Variants in TNRC6B observed in about 807,000 individuals in gnomAD.
The protein encoded by TNRC6B is trinucleotide repeat-containing gene 6B protein.
A neutral mutation model predicts 203.6 loss-of-function variants in TNRC6B; 52 were observed. That is an observed-to-expected ratio of 0.26 (90% CI 0.20 to 0.32). TNRC6B has a LOEUF of 0.32. Ranked by LOEUF, TNRC6B falls within the 10% of genes least tolerant of loss-of-function variation. TNRC6B has a pLI of 1.00. For missense variants in TNRC6B, 1,923 were observed against 2,286.2 expected, an observed-to-expected ratio of 0.84 and a Z score of 3.24; for synonymous variants, 838 against 845.7, an observed-to-expected ratio of 0.99 and a Z score of 0.16.
chr22:40,223,347 G>T (rs907115080), intron 1 of TNRC6B, among the ~76,000 whole-genome samples: 1 of 151,842 alleles, frequency 6.6e-6, no homozygotes, highest in Admixed American at 6.6e-5. Context: ...CACCTTATTG[G>T]TCAGGCTGGA....
At chr22:40,299,144 C>CAAAAAA (rs1252985941) in intron 12 of TNRC6B, among the ~76,000 whole-genome samples, 4 of 43,872 alleles carry the variant, frequency 9.1e-5, no homozygotes, top group Admixed American at 2.1e-4. Context: ...GACCCTGTCT[C>CAAAAAA]AAAAAAAAAA....
At chr22:40,219,224 C>T (rs989531661) in intron 1 of TNRC6B, among the ~76,000 whole-genome samples, 3 of 152,168 alleles carry the variant, frequency 2.0e-5, no homozygotes, top group Non-Finnish European at 2.9e-5. Flanking sequence ...ATACCCAGGA[C>T]CAATAGCACT....
intron 3 of TNRC6B, among the ~76,000 whole-genome samples, chr22:40,258,310 C>T (rs1037849624): frequency 1.3e-5 from 2 of 151,952 alleles, no homozygotes; most frequent in Non-Finnish European, 2.9e-5. Flanking sequence ...TGCCCTTTAT[C>T]GTCTAACATT....
In TNRC6B at chr22:40,178,034, A is replaced by G; in HGVS notation, c.-102A>G. On this transcript the variant is annotated 5_prime_UTR_variant, in exon 1 of 23. Transcript: ENST00000454349. The stretch of plus-strand genomic sequence containing the variant: ...CTGGTTTCTGAATATTTAAAATACA[A>G]AAAAACAGATAGACAAAAAGAATTC... The G allele has an allele frequency of 2.5e-6, 4 of 1,578,070 alleles. No individual in the cohort carries two copies. The highest frequency in any genetic ancestry group is 3.4e-6 in the Non-Finnish European group (4 of 1,168,010).
chr22:40,331,781 G>T lies in TNRC6B; in HGVS notation c.*8540G>T, dbSNP rs768461237. The T allele has an allele frequency of 5.2e-5, 20 of 381,590 alleles. No homozygotes were observed. Among genetic ancestry groups the T allele is most frequent in the Non-Finnish European group, 8.9e-5 (19 of 213,990 alleles). 23.6% of individuals were successfully genotyped at this position (381,590 alleles called of 1,614,324 possible). A position where few individuals can be genotyped will look rare whatever the true frequency, so the allele number is the denominator to read the frequency against. ...GGAGGAGAGGGCAGAAAGGGGAAGGGAGTAGCGTTGCATCCTTGTTCTTCA... is the reference window on the plus strand; with the variant it reads ...GGAGGAGAGGGCAGAAAGGGGAAGGTAGTAGCGTTGCATCCTTGTTCTTCA... On this transcript the variant is annotated 3_prime_UTR_variant, in exon 23 of 23. Transcript: ENST00000454349.
intron 2 of TNRC6B, among the ~76,000 whole-genome samples, chr22:40,120,335 C>CAAA (rs11429406): frequency 4.2e-5 from 5 of 118,340 alleles, no homozygotes; most frequent in African/African-American, 1.1e-4. Context: ...GACCCTGTCT[C>CAAA]AAAAAAAAAA....
chr22:40,217,442 C>T (rs757807758), intron 1 of TNRC6B, among the ~76,000 whole-genome samples: 13 of 152,106 alleles, frequency 8.5e-5, no homozygotes, highest in Admixed American at 4.6e-4. Context: ...GCTCCTGGCA[C>T]CCTGCTCATT....
rs535014926 is a variant in TNRC6B, at chr22:40,329,536, A to G, written c.*6295A>G. The G allele has an allele frequency of 5.9e-5, 9 of 152,258 alleles. No individual in the cohort carries two copies. Among genetic ancestry groups the G allele is most frequent in the Admixed American group, 2.6e-4 (4 of 15,292 alleles). 9.4% of individuals were successfully genotyped at this position (152,258 alleles called of 1,614,324 possible). A position where few individuals can be genotyped will look rare whatever the true frequency, so the allele number is the denominator to read the frequency against. On this transcript the variant is annotated 3_prime_UTR_variant, in exon 23 of 23. Transcript: ENST00000454349. ...TCTGTGAACATAGTAATAACAATAA[A>G]AATTCAACATCGACCCTCCCTAACC...
chr22:40,148,421 T>C (rs764626053), intron 3 of TNRC6B, among the ~76,000 whole-genome samples: 1 of 151,808 alleles, frequency 6.6e-6, no homozygotes, highest in African/African-American at 2.4e-5. Context: ...GTAGCTGGGA[T>C]TACAGGCGCC....
chr22:40,143,617 CCT>C (rs1030774903), intron 3 of TNRC6B, among the ~76,000 whole-genome samples: 78 of 152,220 alleles, frequency 5.1e-4, no homozygotes, highest in African/African-American at 1.8e-3. Flanking sequence ...ACTGCCTCAG[CCT>C]CTGAGTAGCT....
chr22:40,065,939 G>T (rs951728920), intron 1 of TNRC6B, among the ~76,000 whole-genome samples: 4 of 152,062 alleles, frequency 2.6e-5, no homozygotes, highest in Non-Finnish European at 2.9e-5. Context: ...CCAGCTTAGG[G>T]CAGTTTTCTC....
Position 40,334,942 on chromosome 22 carries a change from A to C in TNRC6B, c.*11701A>C, listed in dbSNP as rs1191234603. On this transcript the variant is annotated 3_prime_UTR_variant, in exon 23 of 23. Transcript: ENST00000454349. ...GTACAGCAAAAATCCTCTCATCTGA[A>C]ACACTGTCAGCAGAAACAAAACCTG... The C allele has an allele frequency of 6.5e-6, 1 of 152,714 alleles. No homozygotes were observed. The highest frequency in any genetic ancestry group is 1.9e-4 in the East Asian group (1 of 5,178). 9.5% of individuals were successfully genotyped at this position (152,714 alleles called of 1,614,324 possible). A position where few individuals can be genotyped will look rare whatever the true frequency, so the allele number is the denominator to read the frequency against.
chr22:40,058,181 C>T (rs1484607217), intron 1 of TNRC6B, among the ~76,000 whole-genome samples: 2 of 152,148 alleles, frequency 1.3e-5, no homozygotes, highest in Admixed American at 6.6e-5. Context: ...CCCCATACCC[C>T]AGTATGTAGC....
intron 3 of TNRC6B, chr22:40,253,599 A>G (rs1275190524): frequency 4.4e-6 from 2 of 456,280 alleles, no homozygotes; most frequent in Admixed American, 4.7e-5. Context: ...CCACCACTCC[A>G]ATCAAAAGAT....
At chr22:40,280,168 T>A (rs761758675) in intron 10 of TNRC6B, 25 bp downstream of exon 10, 1 of 1,602,676 alleles carries the variant, frequency 6.2e-7, no homozygotes, top group Admixed American at 1.7e-5. Flanking sequence ...TTGTTTAAGA[T>A]AATAATTCAT....
chr22:40,142,899 CTA>C (rs1318273049), intron 3 of TNRC6B, among the ~76,000 whole-genome samples: 7 of 152,150 alleles, frequency 4.6e-5, no homozygotes, highest in Admixed American at 2.6e-4. Context: ...ACCATGACCT[CTA>C]TGTCACATAC....
At chr22:40,276,590 C>G (rs375699729) in intron 7 of TNRC6B, among the ~76,000 whole-genome samples, 1 of 152,168 alleles carries the variant, frequency 6.6e-6, no homozygotes, top group Non-Finnish European at 1.5e-5. Context: ...CTCTTTACCA[C>G]CAGGACCAAT....
At chr22:40,121,591 G>A (rs1033262228) in intron 2 of TNRC6B, among the ~76,000 whole-genome samples, 2 of 152,180 alleles carry the variant, frequency 1.3e-5, no homozygotes, top group Non-Finnish European at 2.9e-5. Context: ...TCCCTTTGCT[G>A]AGGCCAGCAC....
chr22:40,286,362 C>T (rs1303944448), intron 12 of TNRC6B, among the ~76,000 whole-genome samples: 1 of 152,138 alleles, frequency 6.6e-6, no homozygotes, highest in Non-Finnish European at 1.5e-5. Flanking sequence ...CAAAAATTAG[C>T]TGGGCATGGT....
Sources: allele counts gnomAD v4.1 joint callset (sites outside exome capture counted in the v4.1 genomes callset), GRCh38; gene constraint gnomAD v4.1.1; transcripts MANE v1.5; gene names NCBI Gene and HGNC (gene_info 2026-07-23, HGNC 2026-07-21).